GRM8: variants seen among roughly 807,000 people sequenced by gnomAD.
GRM8 encodes the protein glutamate metabotropic receptor 8.
A neutral mutation model predicts 87.2 loss-of-function variants in GRM8; 47 were observed. The observed-to-expected ratio is 0.54, with a 90% CI of 0.43 to 0.69. The LOEUF is 0.69. Among genes scored for constraint, GRM8 ranks in the 30% least tolerant of loss-of-function variants. The pLI, the probability that GRM8 is intolerant of heterozygous loss-of-function variation, is 0.00. For synonymous variants in GRM8, 396 were observed against 404.5 expected, an observed-to-expected ratio of 0.98 and a Z score of 0.25; for missense variants, 1,019 against 1,139.2, an observed-to-expected ratio of 0.89 and a Z score of 1.52.
chr7:127,079,976 C>G (rs1325828430), intron 3 of GRM8, among the ~76,000 whole-genome samples: 1 of 152,088 alleles, frequency 6.6e-6, no homozygotes, highest in East Asian at 1.9e-4. Flanking sequence ...GAAAAACAGC[C>G]CCATAAAGAC....
chr7:126,447,928 T>A (rs563047059), intron 9 of GRM8, among the ~76,000 whole-genome samples: 1 of 151,934 alleles, frequency 6.6e-6, no homozygotes, highest in Non-Finnish European at 1.5e-5. Context: ...TTTACAAGAT[T>A]TACTACAATT....
At chr7:126,652,668 T>A (rs1804041699) in intron 7 of GRM8, among the ~76,000 whole-genome samples, 1 of 152,200 alleles carries the variant, frequency 6.6e-6, no homozygotes, top group African/African-American at 2.4e-5. Flanking sequence ...CCCTCGAACA[T>A]GAGACTCCAA....
intron 3 of GRM8, among the ~76,000 whole-genome samples, chr7:126,996,343 C>T (rs1813173878): frequency 6.7e-6 from 1 of 150,176 alleles, no homozygotes; most frequent in African/African-American, 2.5e-5. Context: ...CTATGTTTAT[C>T]TTAAGTCAAA....
chr7:126,827,638 T>C (rs566801948), intron 6 of GRM8, among the ~76,000 whole-genome samples: 1 of 152,340 alleles, frequency 6.6e-6, no homozygotes, highest in African/African-American at 2.4e-5. Context: ...GTTTTCTAGA[T>C]ATATAATCAT....
intron 7 of GRM8, among the ~76,000 whole-genome samples, chr7:126,615,620 C>G (rs1201474538): frequency 6.6e-6 from 1 of 152,100 alleles, no homozygotes; most frequent in Non-Finnish European, 1.5e-5. Flanking sequence ...GTGCTGTATT[C>G]AGGAGACCCA....
At chr7:126,461,083 C>A (rs770117285) in intron 9 of GRM8, among the ~76,000 whole-genome samples, 11 of 151,432 alleles carry the variant, frequency 7.3e-5, no homozygotes, top group Non-Finnish European at 1.2e-4. Context: ...ACCTATTTTG[C>A]CCCCACCCAG....
At chr7:127,098,596 A>C (rs1232534922) in intron 3 of GRM8, among the ~76,000 whole-genome samples, 1 of 152,104 alleles carries the variant, frequency 6.6e-6, no homozygotes, top group Non-Finnish European at 1.5e-5. Context: ...AAACTATCAA[A>C]CTTTTTGGCA....
chr7:126,488,970 A>T (rs920074233), intron 9 of GRM8, among the ~76,000 whole-genome samples: 41 of 151,714 alleles, frequency 2.7e-4, no homozygotes, highest in African/African-American at 9.7e-4. Flanking sequence ...ATATATATCA[A>T]ATATATACTT....
intron 7 of GRM8, among the ~76,000 whole-genome samples, chr7:126,633,542 G>A (rs1435262067): frequency 2.0e-5 from 3 of 152,058 alleles, no homozygotes; most frequent in African/African-American, 7.2e-5. Context: ...TGATTAAAAT[G>A]AAAACAATTG....
intron 3 of GRM8, among the ~76,000 whole-genome samples, chr7:126,971,701 G>C (rs531294780): frequency 6.6e-6 from 1 of 152,168 alleles, no homozygotes; most frequent in African/African-American, 2.4e-5. Context: ...TAAAATGGAG[G>C]TTGTCGGCAG....
intron 7 of GRM8, among the ~76,000 whole-genome samples, chr7:126,742,000 C>T (rs745950522): frequency 2.6e-5 from 4 of 152,030 alleles, no homozygotes; most frequent in African/African-American, 7.2e-5. Context: ...ACCTACCCCC[C>T]ACACCAAAAT....
At chr7:126,499,307 C>T (rs1040806002) in intron 9 of GRM8, among the ~76,000 whole-genome samples, 3 of 151,104 alleles carry the variant, frequency 2.0e-5, no homozygotes, top group Non-Finnish European at 4.4e-5. Context: ...GATGAAAGAG[C>T]TTAAATGTTG....
chr7:127,203,454 TC>T (rs1795724113), intron 2 of GRM8, among the ~76,000 whole-genome samples: 1 of 152,178 alleles, frequency 6.6e-6, no homozygotes, highest in African/African-American at 2.4e-5. Context: ...AGGCCTGTAA[TC>T]CCAGCACCTT....
intron 7 of GRM8, among the ~76,000 whole-genome samples, chr7:126,693,424 T>C (rs1411099631): frequency 6.6e-6 from 1 of 152,206 alleles, no homozygotes; most frequent in East Asian, 1.9e-4. Context: ...TTAGCATTCT[T>C]CTTTCAGTGT....
At chr7:126,445,965 C>T in intron 10 of GRM8, 161 bp downstream of exon 10, 4 of 803,064 alleles carry the variant, frequency 5.0e-6, no homozygotes, top group South Asian at 1.6e-5. Flanking sequence ...AGACCATTTG[C>T]TTCGAATGGT....
intron 2 of GRM8, among the ~76,000 whole-genome samples, chr7:127,146,245 T>TA (rs1379951221): frequency 6.6e-6 from 1 of 152,040 alleles, no homozygotes; most frequent in African/African-American, 2.4e-5. Context: ...ATTTTCCCCT[T>TA]CAGAATCATT....
rs187657754 is a variant in GRM8 at position 126,863,322 on chromosome 7, T to G, written c.1156+39220A>C. Among the ~76,000 whole-genome samples, 28 of 152,290 alleles carry G rather than the reference T, an allele frequency of 1.8e-4. No homozygotes were observed. The East Asian group carries it at 5.0e-3, about 27-fold the overall frequency. On this transcript the variant is annotated intron_variant, in intron 6 of 10. Transcript: ENST00000339582. ...AACTTATTTCATGGAATTTTGTGCTTCTTCTTTTGCAGTCATCTAGAGTAA... is the reference window on the plus strand; with the variant it reads ...AACTTATTTCATGGAATTTTGTGCTGCTTCTTTTGCAGTCATCTAGAGTAA...
chr7:126,966,326 G>A (rs1425545544), intron 3 of GRM8, among the ~76,000 whole-genome samples: 1 of 151,994 alleles, frequency 6.6e-6, no homozygotes, highest in African/African-American at 2.4e-5. Context: ...GTAGAGATGG[G>A]GCCTCACTAT....
intron 6 of GRM8, among the ~76,000 whole-genome samples, chr7:126,834,527 G>A (rs1795670182): frequency 1.3e-5 from 2 of 152,164 alleles, no homozygotes; most frequent in South Asian, 4.2e-4. Context: ...TAAACATGAA[G>A]GAAAATGTAT....
Sources: gnomAD v4.1 joint callset for allele counts (sites outside exome capture counted in the v4.1 genomes callset) on GRCh38, gnomAD v4.1.1 for gene constraint, MANE v1.5 for transcripts, NCBI Gene and HGNC (gene_info 2026-07-23, HGNC 2026-07-21) for gene names.